Variants in KIF17 observed in about 807,000 individuals in gnomAD.
KIF17 encodes kinesin-like protein KIF17.
Under a neutral mutation model 96.8 loss-of-function variants are expected in KIF17, and 80 were observed. That is an observed-to-expected ratio of 0.83 (90% CI 0.69 to 1.00). KIF17 has a LOEUF of 1.00. Among genes scored for constraint, KIF17 ranks in the 50% least tolerant of loss-of-function variants. The pLI is 0.00. For missense variants in KIF17, 1,280 were observed against 1,372.9 expected (o/e 0.93, Z 1.07); for synonymous variants, 567 against 587.5 (o/e 0.97, Z 0.51).
At chr1:20,697,742 A>G (rs1236849168) in intron 6 of KIF17, among the ~76,000 whole-genome samples, 1 of 152,244 alleles carries the variant, frequency 6.6e-6, no homozygotes, top group Non-Finnish European at 1.5e-5. Flanking sequence ...GGATGGAGCC[A>G]AAGGCAGGAG....
At position 20,704,819 on chromosome 1, in the gene KIF17, C is replaced by G. The variant is rs776643012; in HGVS notation, c.751G>C (p.Gly251Arg). Residue 251 changes from glycine to arginine, a missense_variant, in exon 5 of 15, where the codon GGG becomes CGG. Coordinates refer to ENST00000400463, the MANE Select transcript of KIF17 (RefSeq NM_001122819.3). The surrounding 1 kb of genome is among the most constrained non-coding windows in gnomAD (Gnocchi z 6.8). Reference sequence around the variant, plus strand: ...TCCTTGAGCCGCTCGCCCGTGGCCCCGGTCTTGGACTGCCGCTCGCTGCCC... The same window carrying G: ...TCCTTGAGCCGCTCGCCCGTGGCCCGGGTCTTGGACTGCCGCTCGCTGCCC... The part of the protein sequence containing the change: ...LAGSERQSKT[G>R]ATGERLKEAT... 8 of 1,607,028 alleles carry G rather than the reference C, an allele frequency of 5.0e-6. No individual in the cohort carries two copies. The highest frequency in any genetic ancestry group is 1.3e-5 in the African/African-American group (1 of 74,932).
rs115990793 is a variant in KIF17 at position 20,666,159 on chromosome 1, C to T, written c.2908+55G>A. On this transcript the variant is annotated intron_variant, in intron 14 of 14. Transcript: ENST00000400463. ...GCCTGTCTGACTTCAAAACTATCCC[C>T]TTCACGCCTCTCCCAGTTGTGTGGA... is the stretch of plus-strand genomic sequence containing the variant. 937 of 1,331,778 alleles carry T rather than the reference C, an allele frequency of 7.0e-4. 8 individuals carry two copies. The African/African-American group carries it at 0.012, about 17-fold the overall frequency. The allele number at this position is 1,331,778 out of a possible 1,614,324, so 82.5% of individuals were successfully genotyped here.
At position 20,690,345 on chromosome 1, in the gene KIF17, T is replaced by TGGGG; in HGVS notation, c.1234-11_1234-10insCCCC. ...GGCGCTCTTCATACTCCTGGGGGGG[T>TGGGG]GGGAGGGACCAGAGGGCAGGCAGCA... On this transcript the variant is annotated splice_polypyrimidine_tract_variant and intron_variant, in intron 6 of 14. Transcript: ENST00000400463. 1 of 242,720 alleles carries TGGGG rather than the reference T, an allele frequency of 4.1e-6. No homozygotes were observed. The highest frequency in any genetic ancestry group is 6.0e-5 in the Admixed American group (1 of 16,664). 15.0% of individuals were successfully genotyped at this position (242,720 alleles called of 1,614,324 possible). A position where few individuals can be genotyped will look rare whatever the true frequency, so the allele number is the denominator to read the frequency against.
rs144121316 is a variant in KIF17 at position 20,690,201 on chromosome 1, C to T, written c.1368G>A (p.Leu456=). ...AGGGGTGCCCACCTGTCTCCTTCCG[C>T]AGGTTCTCCTCCAGCGTGGACAGCC... The part of the protein sequence containing the change: ...DVRLSTLEEN[L]RKETEAVLQV... Residue 456 remains leucine, a synonymous_variant, in exon 7 of 15, where the codon CTG becomes CTA. Coordinates refer to ENST00000400463, the MANE Select transcript of KIF17 (RefSeq NM_001122819.3). The T allele has an allele frequency of 9.4e-4, 1,510 of 1,614,068 alleles. 2 individuals are homozygous for T. Among genetic ancestry groups the T allele is most frequent in the Non-Finnish European group, 1.1e-3 (1,346 of 1,180,052 alleles).
At position 20,714,427 on chromosome 1, in the gene KIF17, T is replaced by C. The variant is rs567686825; in HGVS notation, c.379-872A>G. Reference sequence around the variant, plus strand: ...ATTGCTCGAACCCGGGAGGCAGAGGTTGCAGTGAGCCAAGATCGCGCCATT... The same window carrying C: ...ATTGCTCGAACCCGGGAGGCAGAGGCTGCAGTGAGCCAAGATCGCGCCATT... On this transcript the variant is annotated intron_variant, in intron 2 of 14. Transcript: ENST00000400463. Among the ~76,000 whole-genome samples the C allele has an allele frequency of 5.3e-5, 8 of 151,288 alleles. No homozygotes were observed. In the South Asian group the frequency reaches 1.7e-3, roughly 32 times the overall value.
At position 20,690,346 on chromosome 1, in the gene KIF17, G is replaced by GT; in HGVS notation, c.1234-12_1234-11insA. 6.4e-7 allele frequency: 1 copy of GT among 1,568,706 alleles called. No individual in the cohort carries two copies. Among genetic ancestry groups the GT allele is most frequent in the Non-Finnish European group, 8.7e-7 (1 of 1,147,886 alleles). ...GCGCTCTTCATACTCCTGGGGGGGT[G>GT]GGAGGGACCAGAGGGCAGGCAGCAT... On this transcript the variant is annotated splice_polypyrimidine_tract_variant and intron_variant, in intron 6 of 14. Transcript: ENST00000400463.
intron 12 of KIF17, 121 bp from the exon 13 acceptor site, chr1:20,670,609 C>T: frequency 1.1e-6 from 1 of 874,644 alleles, no homozygotes; most frequent in Non-Finnish European, 1.9e-6. Context: ...ACTTCCCAGC[C>T]CAAGCCAAGG....
Position 20,687,539 on chromosome 1 carries a change from A to G in KIF17, c.1787T>C (p.Leu596Pro). Reference protein sequence around the residue: ...AGHLLGEQNYLPQEEPQEVPL... With the variant: ...AGHLLGEQNYPPQEEPQEVPL... ...CACCTCCTGCGGCTCCTCTTGCGGG[A>G]GGTAGTTCTGTTCCCCCAGCAGGTG... Residue 596 changes from leucine (L) to proline (P), a missense_variant, in exon 8 of 15, where the codon CTC (leucine) becomes CCC (proline). Physicochemically the swap from Leu to Pro is moderately conservative, Grantham distance 98. Coordinates refer to ENST00000400463, the MANE Select transcript of KIF17 (RefSeq NM_001122819.3). This position sits in a 1 kb window ranked among gnomAD's most constrained non-coding sequence, Gnocchi z 4.4. The G allele has an allele frequency of 6.2e-7, 1 of 1,613,452 alleles. No individual in the cohort carries two copies. The highest frequency in any genetic ancestry group is 8.5e-7 in the Non-Finnish European group (1 of 1,179,704).
At chr1:20,676,612 A>G (rs1448146887) in intron 11 of KIF17, among the ~76,000 whole-genome samples, 1 of 151,764 alleles carries the variant, frequency 6.6e-6, no homozygotes, top group African/African-American at 2.4e-5. Flanking sequence ...GGGGCGGATC[A>G]CTTGAGGTCA....
In KIF17 at chr1:20,670,270, G is replaced by C. The variant is rs561938166; in HGVS notation, c.2790+151C>G. The C allele has an allele frequency of 5.4e-6, 4 of 738,906 alleles. No individual in the cohort carries two copies. In the African/African-American group the frequency reaches 6.9e-5, roughly 13 times the overall value. 45.8% of individuals were successfully genotyped at this position (738,906 alleles called of 1,614,324 possible). On this transcript the variant is annotated intron_variant, in intron 13 of 14. Coordinates refer to ENST00000400463, the MANE Select transcript of KIF17 (RefSeq NM_001122819.3). ...TTGAGGGTCTAGGTGCCAATGGAGG[G>C]GCATGAAAAGGATCCAGCCTTGGCC... is the stretch of plus-strand genomic sequence containing the variant.
intron 11 of KIF17, among the ~76,000 whole-genome samples, chr1:20,673,533 A>AT (rs35306944): frequency 0.41 from 55,771 of 134,744 alleles, 11,473 homozygotes; most frequent in Non-Finnish European, 0.44. Context: ...AGCCTGCTCC[A>AT]TTTTTTTTTT....
chr1:20,661,713 C>T (rs548173059), downstream of KIF17, among the ~76,000 whole-genome samples: 74 of 152,372 alleles, frequency 4.9e-4, no homozygotes, highest in African/African-American at 1.7e-3. Context: ...CCCTCTGGAG[C>T]TTGCGGGGTC....
chr1:20,694,715 AG>A (rs2054103279), intron 6 of KIF17, among the ~76,000 whole-genome samples: 1 of 152,204 alleles, frequency 6.6e-6, no homozygotes, highest in African/African-American at 2.4e-5. Context: ...CGCATTCTTT[AG>A]TACATTTTTA....
Position 20,709,601 on chromosome 1 carries a change from TC to T in KIF17, c.670+37del. 4 of 1,590,366 alleles carry T rather than the reference TC, an allele frequency of 2.5e-6. No individual in the cohort carries two copies. Among genetic ancestry groups the T allele is most frequent in the Non-Finnish European group, 2.6e-6 (3 of 1,170,064 alleles). ...GCCTTGGCTAGTGGGAGTGGCTGGG[TC>T]ATCTGTCCCCCTGCCCCCAACAATG... On this transcript the variant is annotated intron_variant, in intron 4 of 14. Transcript: ENST00000400463. This position sits in a 1 kb window ranked among gnomAD's most constrained non-coding sequence, Gnocchi z 4.7.
Position 20,698,427 on chromosome 1 carries a change from T to A in KIF17, c.1185A>T (p.Gln395His). 6.2e-7 allele frequency: 1 copy of A among 1,613,854 alleles called. No homozygotes were observed. The highest frequency in any genetic ancestry group is 8.5e-7 in the Non-Finnish European group (1 of 1,179,984). The change falls in exon 6 of 15, where the codon CAA becomes CAT. Residue 395 changes from glutamine to histidine, a missense_variant. Physicochemically the swap from Gln to His is conservative, Grantham distance 24. Coordinates refer to ENST00000400463, the MANE Select transcript of KIF17 (RefSeq NM_001122819.3). ...PVQVEEKLLP[Q>H]PVIQHDVEAE... ...CCTCCACGTCATGCTGGATCACAGGTTGGGGCAACAGCTTCTCCTCCACCT... is the reference window on the plus strand; with the variant it reads ...CCTCCACGTCATGCTGGATCACAGGATGGGGCAACAGCTTCTCCTCCACCT...
intron 12 of KIF17, among the ~76,000 whole-genome samples, chr1:20,671,676 G>A (rs146398873): frequency 6.6e-6 from 1 of 152,270 alleles, no homozygotes; most frequent in East Asian, 1.9e-4. Context: ...TAAGAAAGGT[G>A]CTGTTATTCA....
At position 20,687,983 on chromosome 1, in the gene KIF17, C is replaced by CTCTCATTCTGACCCTTT; in HGVS notation, c.1382-40_1382-39insAAAGGGTCAGAATGAGA. 6.4e-7 allele frequency: 1 copy of CTCTCATTCTGACCCTTT among 1,564,520 alleles called. No individual in the cohort carries two copies. Among genetic ancestry groups the CTCTCATTCTGACCCTTT allele is most frequent in the Non-Finnish European group, 8.8e-7 (1 of 1,135,902 alleles). On this transcript the variant is annotated intron_variant, in intron 7 of 14. Transcript: ENST00000400463. This position sits in a 1 kb window ranked among gnomAD's most constrained non-coding sequence, Gnocchi z 4.4. ...AACTTCCTTCAGGTTTTTAAAGGGT[C>CTCTCATTCTGACCCTTT]AGAATGAGAGACCCTTCCCTAGAAG... is the stretch of plus-strand genomic sequence containing the variant.
In KIF17 at chr1:20,685,374, C is replaced by T; in HGVS notation, c.2020-354G>A. On this transcript the variant is annotated intron_variant, in intron 9 of 14. Coordinates refer to ENST00000400463, the MANE Select transcript of KIF17 (RefSeq NM_001122819.3). The surrounding 1 kb of genome is among the most constrained non-coding windows in gnomAD (Gnocchi z 4.1). ...TTCGCAGGAAAGTCCACTTTCCTCC[C>T]TGCCGGCTCCCTGCCTCCACGGCCT... 2.3e-6 allele frequency: 1 copy of T among 437,158 alleles called. No homozygotes were observed. Among genetic ancestry groups the T allele is most frequent in the South Asian group, 1.9e-5 (1 of 52,284 alleles). The allele number at this position is 437,158 out of a possible 1,614,324, so 27.1% of individuals were successfully genotyped here.
At position 20,666,327 on chromosome 1, in the gene KIF17, T is replaced by C; in HGVS notation, c.2795A>G (p.Asp932Gly). ...AADNGEPNME[D>G]DRYRLMLSRS... ...ACTGAGCATGAGCCTGTAGCGGTCG[T>C]CCTCCTGCCGAGATGCAGATGCCCG... is the stretch of plus-strand genomic sequence containing the variant. The change falls in exon 14 of 15, where the codon GAC (aspartate) becomes GGC (glycine). Residue 932 changes from aspartate (D) to glycine (G), a missense_variant. Physicochemically the swap from Asp to Gly is moderately conservative, Grantham distance 94. Transcript: ENST00000400463. 1 of 1,611,714 alleles carries C rather than the reference T, an allele frequency of 6.2e-7. No individual in the cohort carries two copies. The highest frequency in any genetic ancestry group is 1.7e-5 in the Admixed American group (1 of 60,024).
Sources: gnomAD v4.1 joint callset for allele counts (sites outside exome capture counted in the v4.1 genomes callset) on GRCh38, gnomAD v4.1.1 for gene constraint, Gnocchi (gnomAD v3.1) non-coding constraint, MANE v1.5 for transcripts, NCBI Gene and HGNC (gene_info 2026-07-23, HGNC 2026-07-21) for gene names.